MAGEC3: variants seen among roughly 807,000 people sequenced by gnomAD.
MAGEC3 encodes MAGE family member C3.
Under a neutral mutation model 35.3 loss-of-function variants are expected in MAGEC3, and 34 were observed. The observed-to-expected ratio is 0.96, with a 90% CI of 0.73 to 1.28. The LOEUF is 1.28. Among genes scored for constraint, MAGEC3 ranks in the 50% most tolerant of loss-of-function variants. The pLI is 0.00. For missense variants in MAGEC3, 561 were observed against 483.6 expected (o/e 1.16, Z -1.50); for synonymous variants, 202 against 185.6 (o/e 1.09, Z -0.72).
At chrX:141,860,245 C>T (rs2017806811) in intron 1 of MAGEC3, among the ~76,000 whole-genome samples, 1 of 111,899 alleles carries the variant, frequency 8.9e-6, no homozygotes, top group African/African-American at 3.2e-5. Flanking sequence ...CAAGCCAATC[C>T]AGTTCCATCA....
chrX:141,845,102 A>G (rs1221778429), intron 1 of MAGEC3, among the ~76,000 whole-genome samples: 2 of 111,296 alleles, frequency 1.8e-5, no homozygotes, highest in Non-Finnish European at 3.8e-5. Context: ...TTAGGTATGA[A>G]TAATGTAAAG....
At chrX:141,868,974 C>T (rs1010022708) in intron 2 of MAGEC3, among the ~76,000 whole-genome samples, 2 of 109,738 alleles carry the variant, frequency 1.8e-5, no homozygotes, top group East Asian at 2.8e-4. Context: ...CTCCGCCTCT[C>T]GGGTTCACGC....
chrX:141,839,588 A>C, intron 1 of MAGEC3: 1 of 754,530 alleles, frequency 1.3e-6, no homozygotes, highest in Non-Finnish European at 1.6e-6. Context: ...CCACAGCTGC[A>C]ATCCCAAGCT....
At chrX:141,842,572 T>A (rs1054249387) in intron 1 of MAGEC3, among the ~76,000 whole-genome samples, 1 of 111,904 alleles carries the variant, frequency 8.9e-6, no homozygotes, top group South Asian at 3.7e-4. Flanking sequence ...GTGGCATCTT[T>A]GTTCAAGAAA....
chrX:141,896,776 A>T, intron 6 of MAGEC3, 106 bp from the exon 7 acceptor site: 2 of 1,204,924 alleles, frequency 1.7e-6, no homozygotes, highest in Non-Finnish European at 2.2e-6. Flanking sequence ...TGCCTCCTCC[A>T]CTTCCTCTTC....
chrX:141,870,744 G>T (rs2124106002), intron 2 of MAGEC3, among the ~76,000 whole-genome samples: 1 of 111,947 alleles, frequency 8.9e-6, no homozygotes, highest in Non-Finnish European at 1.9e-5. Flanking sequence ...AACCTGTTAA[G>T]TTTTTTAAAT....
At chrX:141,849,431 G>A (rs181837194) in intron 1 of MAGEC3, among the ~76,000 whole-genome samples, 5 of 110,685 alleles carry the variant, frequency 4.5e-5, no homozygotes, top group Non-Finnish European at 7.6e-5. Context: ...ATTGACAAGT[G>A]GGACCTAATT....
chrX:141,846,758 A>G (rs1432514252), intron 1 of MAGEC3, among the ~76,000 whole-genome samples: 1 of 111,220 alleles, frequency 9.0e-6, no homozygotes, highest in Non-Finnish European at 1.9e-5. Context: ...TTTTGCACTG[A>G]CTTTATATAT....
intron 1 of MAGEC3, among the ~76,000 whole-genome samples, chrX:141,860,914 T>C (rs1294505022): frequency 9.0e-6 from 1 of 111,697 alleles, no homozygotes; most frequent in Non-Finnish European, 1.9e-5. Context: ...CTTAGTGCCA[T>C]GGAACTGTAT....
intron 2 of MAGEC3, among the ~76,000 whole-genome samples, chrX:141,868,192 G>T (rs1016359282): frequency 4.5e-5 from 5 of 110,484 alleles, no homozygotes; most frequent in African/African-American, 1.6e-4. Context: ...GAGTAAAATG[G>T]GTAATTTTTA....
At chrX:141,841,152 ACT>A (rs2017683268) in intron 1 of MAGEC3, among the ~76,000 whole-genome samples, 1 of 110,216 alleles carries the variant, frequency 9.1e-6, no homozygotes, top group African/African-American at 3.3e-5. Context: ...CTTACCAGTC[ACT>A]CTTTCTTCAA....
intron 1 of MAGEC3, among the ~76,000 whole-genome samples, chrX:141,851,915 T>A (rs976768179): frequency 9.0e-6 from 1 of 110,889 alleles, no homozygotes; most frequent in African/African-American, 3.3e-5. Context: ...TTGTCATGGG[T>A]ATTCTGGGTC....
intron 2 of MAGEC3, among the ~76,000 whole-genome samples, chrX:141,872,702 G>A (rs767960847): frequency 2.1e-4 from 23 of 111,319 alleles, no homozygotes; most frequent in South Asian, 3.8e-4. Flanking sequence ...AGAGAAAGAC[G>A]GAGGAAGAAG....
intron 2 of MAGEC3, among the ~76,000 whole-genome samples, chrX:141,866,975 G>A (rs181845149): frequency 9.0e-6 from 1 of 110,720 alleles, no homozygotes; most frequent in Non-Finnish European, 1.9e-5. Flanking sequence ...ATAGCCAAGG[G>A]AGGTTAGATG....
At chrX:141,848,342 A>G (rs1184527299) in intron 1 of MAGEC3, among the ~76,000 whole-genome samples, 1 of 110,426 alleles carries the variant, frequency 9.1e-6, no homozygotes, top group African/African-American at 3.3e-5. Flanking sequence ...CAACCTATCT[A>G]TCTTCACTGA....
rs1423342843 is a variant in MAGEC3 at position 141,895,376 on chromosome X, G to A, written c.1017G>A (p.Glu339=). Residue 339 remains glutamate, a synonymous_variant, in exon 5 of 8, where the codon GAG becomes GAA. Transcript: ENST00000298296. Reference sequence around the variant, plus strand: ...AGGAGTCTGGACTCAGGTCAGCAGAGGGAAGCGTCTTAGACCTGGCCAATC... The same window carrying A: ...AGGAGTCTGGACTCAGGTCAGCAGAAGGAAGCGTCTTAGACCTGGCCAATC... The part of the protein sequence containing the change: ...FCEESGLRSA[E]GSVLDLANPQ... 3.6e-5 allele frequency: 44 copies of A among 1,208,489 alleles called. No homozygotes were observed. Among genetic ancestry groups the A allele is most frequent in the Non-Finnish European group, 4.8e-5 (43 of 894,813 alleles).
intron 4 of MAGEC3, among the ~76,000 whole-genome samples, chrX:141,882,166 C>T (rs1020901125): frequency 9.0e-6 from 1 of 111,387 alleles, no homozygotes; most frequent in Non-Finnish European, 1.9e-5. Flanking sequence ...CCGTTTCTTA[C>T]GTCTGTGTTT....
At chrX:141,863,685 T>TA (rs1244208054) in intron 1 of MAGEC3, among the ~76,000 whole-genome samples, 2 of 111,337 alleles carry the variant, frequency 1.8e-5, no homozygotes, top group Non-Finnish European at 1.9e-5. Context: ...TACACTTCAA[T>TA]AAAAAAGATA....
intron 1 of MAGEC3, among the ~76,000 whole-genome samples, chrX:141,865,006 CTTAT>C (rs2017839295): frequency 9.0e-6 from 1 of 111,700 alleles, no homozygotes; most frequent in Non-Finnish European, 1.9e-5. Context: ...TTTTCAGGTG[CTTAT>C]TTAACATTTG....
Sources: allele counts gnomAD v4.1 joint callset (sites outside exome capture counted in the v4.1 genomes callset), GRCh38; gene constraint gnomAD v4.1.1; transcripts MANE v1.5; gene names NCBI Gene and HGNC (gene_info 2026-07-23, HGNC 2026-07-21).